Variants in STAC2 observed in about 807,000 individuals in gnomAD.
The protein encoded by STAC2 is SH3 and cysteine-rich domain-containing protein 2.
In STAC2, 36 loss-of-function variants were observed where a neutral mutation model predicts 49.0. That is an observed-to-expected ratio of 0.74 (90% CI 0.56 to 0.97). The LOEUF (loss-of-function observed/expected upper bound fraction) is 0.97, where lower values mean the gene tolerates loss of function less well. Ranked by LOEUF, STAC2 falls within the 50% of genes least tolerant of loss-of-function variation. STAC2 has a pLI of 0.00. For missense variants in STAC2, 527 were observed against 543.8 expected (o/e 0.97, Z 0.31); for synonymous variants, 239 against 214.7 (o/e 1.11, Z -0.99).
intron 9 of STAC2, 124 bp downstream of exon 9, chr17:39,213,383 G>T: frequency 7.5e-7 from 1 of 1,324,832 alleles, no homozygotes; most frequent in Non-Finnish European, 1.0e-6. Flanking sequence ...TTTTGGCTGG[G>T]ACCAGTGGTT....
chr17:39,224,919 C>T (rs1284017306), intron 1 of STAC2, among the ~76,000 whole-genome samples: 1 of 152,104 alleles, frequency 6.6e-6, no homozygotes, highest in Non-Finnish European at 1.5e-5. Flanking sequence ...CGCCCTGAGA[C>T]GCGGAGATAA....
intron 1 of STAC2, among the ~76,000 whole-genome samples, chr17:39,219,848 C>T (rs898098274): frequency 2.0e-5 from 3 of 152,216 alleles, no homozygotes; most frequent in Non-Finnish European, 4.4e-5. Flanking sequence ...GAAACAGGGG[C>T]CAGCAGCCTG....
In STAC2 at chr17:39,215,182, G is replaced by T; in HGVS notation, c.635C>A (p.Thr212Asn). The change falls in exon 5 of 11, where the codon ACC (threonine) becomes AAC (asparagine). Residue 212 changes from threonine (T) to asparagine (N), a missense_variant. Transcript: ENST00000333461. Reference sequence around the variant, plus strand: ...GGAGCGGTTCATCAGTGCCAGGGAGGTGCCATAGCGCAGGGTCTCGTAGAC... The same window carrying T: ...GGAGCGGTTCATCAGTGCCAGGGAGTTGCCATAGCGCAGGGTCTCGTAGAC... The part of the protein sequence containing the change: ...DPVYETLRYG[T>N]SLALMNRSSF... 1 of 1,614,060 alleles carries T rather than the reference G, an allele frequency of 6.2e-7. No individual in the cohort carries two copies. The highest frequency in any genetic ancestry group is 8.5e-7 in the Non-Finnish European group (1 of 1,179,998).
rs2046499088 is a variant in STAC2, at chr17:39,225,094, C to G, written c.90+319G>C. On this transcript the variant is annotated intron_variant, in intron 1 of 10. Coordinates refer to ENST00000333461, the MANE Select transcript of STAC2 (RefSeq NM_198993.5). This position sits in a 1 kb window ranked among gnomAD's most constrained non-coding sequence, Gnocchi z 8.2. ...CGCTGGAGGGTGCGCCTCGCACGCA[C>G]AGCCGGGCGCGTACCCCGCCCGCAC... Among the ~76,000 whole-genome samples, 1 of 152,106 alleles carries G rather than the reference C, an allele frequency of 6.6e-6. No individual in the cohort carries two copies. The highest frequency in any genetic ancestry group is 2.1e-4 in the South Asian group (1 of 4,830).
At position 39,212,247 on chromosome 17, in the gene STAC2, G is replaced by T. The variant is rs1410926401; in HGVS notation, c.*45C>A. 6.9e-7 allele frequency: 1 copy of T among 1,452,876 alleles called. No homozygotes were observed. The highest frequency in any genetic ancestry group is 9.5e-7 in the Non-Finnish European group (1 of 1,048,618). The allele number at this position is 1,452,876 out of a possible 1,614,324, so 90.0% of individuals were successfully genotyped here. A position where few individuals can be genotyped will look rare whatever the true frequency, so the allele number is the denominator to read the frequency against. On this transcript the variant is annotated 3_prime_UTR_variant, in exon 11 of 11. Coordinates refer to ENST00000333461, the MANE Select transcript of STAC2 (RefSeq NM_198993.5). ...GATCCCCTCCCTGGCCAGAAGCAAG[G>T]TCCAGGCATGGGCAAGGGTGTCATC... is the stretch of plus-strand genomic sequence containing the variant.
In STAC2 at chr17:39,225,305, C is replaced by A; in HGVS notation, c.90+108G>T. 5 of 890,498 alleles carry A rather than the reference C, an allele frequency of 5.6e-6. No homozygotes were observed. Among genetic ancestry groups the A allele is most frequent in the Non-Finnish European group, 8.1e-6 (5 of 615,460 alleles). 55.2% of individuals were successfully genotyped at this position (890,498 alleles called of 1,614,324 possible). On this transcript the variant is annotated intron_variant, in intron 1 of 10. Transcript: ENST00000333461. This position sits in a 1 kb window ranked among gnomAD's most constrained non-coding sequence, Gnocchi z 8.2. ...GCGGCGCGGAGCCTCAGTGGTCACG[C>A]GGGCCTCGCGACCGCGACCCTAGGA...
At chr17:39,224,548 A>T (rs904669586) in intron 1 of STAC2, among the ~76,000 whole-genome samples, 2 of 152,270 alleles carry the variant, frequency 1.3e-5, no homozygotes, top group African/African-American at 4.8e-5. Context: ...TTTCAGCGCC[A>T]GGAGTCTGGG....
chr17:39,212,358 G>A lies in STAC2; in HGVS notation c.1170C>T (p.Gly390=), dbSNP rs1401906439. 6.2e-7 allele frequency: 1 copy of A among 1,612,126 alleles called. No homozygotes were observed. The highest frequency in any genetic ancestry group is 1.1e-5 in the South Asian group (1 of 90,542). ...TCTTGCCACTGCTGACGCGGATGAA[G>A]CCGTCAGCATCCTTGCTTCTGCCCA... The part of the protein sequence containing the change: ...VGVGRSKDAD[G]FIRVSSGKKR... Residue 390 remains glycine (G), a synonymous_variant, in exon 11 of 11, where the codon GGC becomes GGT. Transcript: ENST00000333461.
In STAC2 at chr17:39,225,061, C is replaced by G. The variant is rs2046498716; in HGVS notation, c.90+352G>C. Among the ~76,000 whole-genome samples, 1 of 152,138 alleles carries G rather than the reference C, an allele frequency of 6.6e-6. No individual in the cohort carries two copies. Among genetic ancestry groups the G allele is most frequent in the South Asian group, 2.1e-4 (1 of 4,832 alleles). On this transcript the variant is annotated intron_variant, in intron 1 of 10. Transcript: ENST00000333461. The surrounding 1 kb of genome is among the most constrained non-coding windows in gnomAD (Gnocchi z 8.2). ...CGCGGACTGAGCCCGGGACTGGGACCCGGCGGCCGCTGGAGGGTGCGCCTC... is the reference window on the plus strand; with the variant it reads ...CGCGGACTGAGCCCGGGACTGGGACGCGGCGGCCGCTGGAGGGTGCGCCTC...
intron 1 of STAC2, among the ~76,000 whole-genome samples, chr17:39,219,101 G>A (rs35996049): frequency 0.2 from 30,045 of 151,940 alleles, 6,159 homozygotes; most frequent in African/African-American, 0.53. Flanking sequence ...GCTGTTGCGG[G>A]GGTGATGCCT....
intron 4 of STAC2, 24 bp from the exon 5 acceptor site, chr17:39,215,254 C>T: frequency 4.3e-6 from 7 of 1,612,016 alleles, no homozygotes; most frequent in Non-Finnish European, 5.9e-6. Flanking sequence ...ACCCTCAAGG[C>T]CTGGCTCTGC....
In STAC2 at chr17:39,218,009, G is replaced by C. The variant is rs1465049095; in HGVS notation, c.255C>G (p.Asp85Glu). 1 of 1,584,682 alleles carries C rather than the reference G, an allele frequency of 6.3e-7. No homozygotes were observed. The highest frequency in any genetic ancestry group is 1.8e-5 in the Admixed American group (1 of 56,188). The stretch of plus-strand genomic sequence containing the variant: ...AGGGGGATGGGGTAGCCAGGCCCCT[G>C]TCCGAGGCTGTGGGTGGTGGGGAGG... ...PPPSPPPTAS[D>E]RGLATPSPSP... The change falls in exon 2 of 11, where the codon GAC (aspartate) becomes GAG (glutamate). Residue 85 changes from aspartate to glutamate, a missense_variant. Coordinates refer to ENST00000333461, the MANE Select transcript of STAC2 (RefSeq NM_198993.5).
intron 1 of STAC2, among the ~76,000 whole-genome samples, chr17:39,220,897 C>T (rs371272722): frequency 1.3e-5 from 2 of 150,402 alleles, no homozygotes; most frequent in East Asian, 2.0e-4. Context: ...CCCGGGTACA[C>T]GCCATTCTCC....
At chr17:39,218,823 G>C (rs1029774443) in intron 1 of STAC2, among the ~76,000 whole-genome samples, 1 of 152,120 alleles carries the variant, frequency 6.6e-6, no homozygotes, top group African/African-American at 2.4e-5. Context: ...TGAGGCGGGA[G>C]GGAATCGCTT....
chr17:39,212,407 G>A lies in STAC2; in HGVS notation c.1132-11C>T. ...CACGCCCACGCAGATCTGAGCCAGA[G>A]AGACATGGAGCTGAGGCCTGGCATG... On this transcript the variant is annotated splice_polypyrimidine_tract_variant and intron_variant, in intron 10 of 10. Transcript: ENST00000333461. 1.3e-6 allele frequency: 2 copies of A among 1,597,728 alleles called. No homozygotes were observed. The highest frequency in any genetic ancestry group is 1.7e-6 in the Non-Finnish European group (2 of 1,170,258).
chr17:39,213,599 T>C (rs1325566264), intron 8 of STAC2, 41 bp from the exon 9 acceptor site: 1 of 1,607,130 alleles, frequency 6.2e-7, no homozygotes, highest in South Asian at 1.1e-5. Flanking sequence ...GAGCAGGGAG[T>C]AGTGCCCCTC....
chr17:39,225,348 G>A lies in STAC2; in HGVS notation c.90+65C>T. On this transcript the variant is annotated intron_variant, in intron 1 of 10. Transcript: ENST00000333461. This position sits in a 1 kb window ranked among gnomAD's most constrained non-coding sequence, Gnocchi z 8.2. ...CCCTAGGACGCCCGGGCCCACAGGA[G>A]GACCCCGCCGGGAAGAGGGCGCCCG... is the stretch of plus-strand genomic sequence containing the variant. 2.8e-6 allele frequency: 4 copies of A among 1,418,186 alleles called. No individual in the cohort carries two copies. Among genetic ancestry groups the A allele is most frequent in the Non-Finnish European group, 3.8e-6 (4 of 1,054,212 alleles). The allele number at this position is 1,418,186 out of a possible 1,614,324, so 87.9% of individuals were successfully genotyped here.
chr17:39,217,813 C>G, intron 2 of STAC2, 54 bp downstream of exon 2: 1 of 1,544,368 alleles, frequency 6.5e-7, no homozygotes, highest in South Asian at 1.2e-5. Context: ...GAGCCCACTC[C>G]CCAGTACCCA....
In STAC2 at chr17:39,212,168, G is replaced by A; in HGVS notation, c.*124C>T. On this transcript the variant is annotated 3_prime_UTR_variant, in exon 11 of 11. Coordinates refer to ENST00000333461, the MANE Select transcript of STAC2 (RefSeq NM_198993.5). Reference sequence around the variant, plus strand: ...AAAAGGCTCCTAAGCCACGGTAAGTGGCACCTAGGAGAGGGACAGAGGGAG... The same window carrying A: ...AAAAGGCTCCTAAGCCACGGTAAGTAGCACCTAGGAGAGGGACAGAGGGAG... 3.2e-6 allele frequency: 2 copies of A among 619,332 alleles called. No homozygotes were observed. The highest frequency in any genetic ancestry group is 4.3e-5 in the South Asian group (2 of 46,836). 38.4% of individuals were successfully genotyped at this position (619,332 alleles called of 1,614,324 possible).
Sources: allele counts gnomAD v4.1 joint callset (sites outside exome capture counted in the v4.1 genomes callset), GRCh38; gene constraint gnomAD v4.1.1; non-coding constraint Gnocchi (gnomAD v3.1); transcripts MANE v1.5; gene names NCBI Gene and HGNC (gene_info 2026-07-23, HGNC 2026-07-21).